Variants in SAMD5 observed in about 807,000 individuals in gnomAD.
The protein encoded by SAMD5 is sterile alpha motif domain containing 5.
In SAMD5, 13 loss-of-function variants were observed where a neutral mutation model predicts 11.3. The observed-to-expected ratio is 1.15, with a 90% CI of 0.75 to 1.83. The LOEUF is 1.83. SAMD5 is among the 40% of genes most tolerant of loss of function. SAMD5 has a pLI of 0.00. For missense variants in SAMD5, 255 were observed against 239.1 expected, an observed-to-expected ratio of 1.07 and a Z score of -0.44; for synonymous variants, 129 against 111.3, an observed-to-expected ratio of 1.16 and a Z score of -1.00.
At chr6:147,721,486 A>G (rs1791550923) in intron 1 of SAMD5, among the ~76,000 whole-genome samples, 1 of 152,194 alleles carries the variant, frequency 6.6e-6, no homozygotes, top group Non-Finnish European at 1.5e-5. Flanking sequence ...TTTTGACTGC[A>G]TAAATGTGTT....
intron 1 of SAMD5, among the ~76,000 whole-genome samples, chr6:147,669,077 A>C (rs769602045): frequency 3.3e-5 from 5 of 152,172 alleles, no homozygotes; most frequent in Non-Finnish European, 5.9e-5. Flanking sequence ...GTGGCAATTT[A>C]TTAAAATAAG....
intron 1 of SAMD5, 22 bp from the exon 2 acceptor site, chr6:147,564,372 C>A (rs543625839): frequency 1.3e-6 from 1 of 780,026 alleles, no homozygotes. Context: ...CTTCAATAAC[C>A]CAGATATGTT....
Position 147,731,652 on chromosome 6 carries a change from C to CAAAAAA in SAMD5, c.163-5651_163-5646dup, listed in dbSNP as rs4052655. On this transcript the variant is annotated intron_variant, in intron 1 of 1. Transcript: ENST00000566741. ...CCCTCTCTTTTCTCTCTGGCCACTA[C>CAAAAAA]AAAAAAAAAAAAAAAAAAATCCTGA... 6.7e-5 allele frequency among the ~76,000 whole-genome samples: 6 copies of CAAAAAA among 90,072 alleles called. 1 individual carries two copies. The highest frequency in any genetic ancestry group is 1.3e-4 in the African/African-American group (3 of 22,452). 59.1% of individuals were successfully genotyped at this position (90,072 alleles called of 152,430 possible).
At chr6:147,680,444 A>G (rs1790925401) in intron 1 of SAMD5, among the ~76,000 whole-genome samples, 1 of 152,104 alleles carries the variant, frequency 6.6e-6, no homozygotes, top group Non-Finnish European at 1.5e-5. Flanking sequence ...TTACACACCC[A>G]TGGACAGGTG....
chr6:147,623,027 AC>A (rs1221652619), intron 1 of SAMD5, among the ~76,000 whole-genome samples: 1 of 152,194 alleles, frequency 6.6e-6, no homozygotes, highest in Admixed American at 6.5e-5. Flanking sequence ...GGTCCCTCCC[AC>A]AACACATGGG....
At chr6:147,758,203 A>T in the SAMD5 span, among the ~76,000 whole-genome samples, 1 of 152,234 alleles carries the variant, frequency 6.6e-6, no homozygotes, top group African/African-American at 2.4e-5. Flanking sequence ...AGTGGCAGCT[A>T]TCTTAAATTA....
At chr6:147,826,729 C>A in the SAMD5 span, among the ~76,000 whole-genome samples, 1 of 152,142 alleles carries the variant, frequency 6.6e-6, no homozygotes, top group African/African-American at 2.4e-5. Flanking sequence ...TAACTAAGGC[C>A]ATGTGGGATG....
At chr6:147,758,957 C>T in the SAMD5 span, among the ~76,000 whole-genome samples, 17 of 152,214 alleles carry the variant, frequency 1.1e-4, no homozygotes, top group South Asian at 4.1e-4. Context: ...TAGTTTCACT[C>T]GAGCTGAGTC....
chr6:147,939,593 G>A, the SAMD5 span, among the ~76,000 whole-genome samples: 1 of 152,202 alleles, frequency 6.6e-6, no homozygotes, highest in Non-Finnish European at 1.5e-5. Context: ...CCGTGGAGAT[G>A]CCTAACAGTG....
chr6:147,715,082 A>C (rs994073743), intron 1 of SAMD5, among the ~76,000 whole-genome samples: 5 of 152,236 alleles, frequency 3.3e-5, no homozygotes, highest in Non-Finnish European at 7.3e-5. Flanking sequence ...TCTTTCCTGC[A>C]GTGGTGTCAC....
At chr6:147,913,570 C>A in the SAMD5 span, among the ~76,000 whole-genome samples, 18 of 152,212 alleles carry the variant, frequency 1.2e-4, no homozygotes, top group African/African-American at 3.9e-4. Flanking sequence ...GTGGCACATG[C>A]CTGTTATCCC....
At chr6:147,538,377 C>T (rs2103690) in intron 1 of SAMD5, among the ~76,000 whole-genome samples, 82,919 of 152,030 alleles carry the variant, frequency 0.55, 22,934 homozygotes, top group East Asian at 0.62. Context: ...TATATTCCCT[C>T]TAACAAAAGC....
chr6:147,697,385 A>G (rs1791191440), intron 1 of SAMD5, among the ~76,000 whole-genome samples: 1 of 152,208 alleles, frequency 6.6e-6, no homozygotes, highest in Admixed American at 6.5e-5. Flanking sequence ...ACTTTCGTTT[A>G]TTTAATCATT....
the SAMD5 span, among the ~76,000 whole-genome samples, chr6:147,867,082 A>G: frequency 6.6e-6 from 1 of 152,140 alleles, no homozygotes; most frequent in Non-Finnish European, 1.5e-5. Context: ...TAATCTCTCT[A>G]TCCAGATAAG....
At chr6:147,875,360 C>A in the SAMD5 span, among the ~76,000 whole-genome samples, 1 of 152,144 alleles carries the variant, frequency 6.6e-6, no homozygotes, top group African/African-American at 2.4e-5. Context: ...AAGTAGTGGT[C>A]CCCTCTTAAC....
intron 1 of SAMD5, among the ~76,000 whole-genome samples, chr6:147,591,343 G>A (rs544290149): frequency 6.6e-6 from 1 of 152,170 alleles, no homozygotes; most frequent in Non-Finnish European, 1.5e-5. Flanking sequence ...CTACCTGATT[G>A]TCCTTGTATC....
intron 1 of SAMD5, among the ~76,000 whole-genome samples, chr6:147,591,423 C>T (rs1364758153): frequency 1.3e-5 from 2 of 152,122 alleles, no homozygotes; most frequent in African/African-American, 4.8e-5. Context: ...TAAAGAGGGT[C>T]ACCGCACTCG....
In SAMD5 at chr6:147,536,218, C is replaced by T. The variant is rs146873915; in HGVS notation, c.459+26831C>T. On this transcript the variant is annotated intron_variant, in intron 1 of 1. Coordinates refer to ENST00000367474, the MANE Select transcript of SAMD5 (RefSeq NM_001030060.3). ...TAGGATGGTCTCAATCTCCTGACCT[C>T]GTGATCTGCCCTCCACAGCCTTCCA... Among the ~76,000 whole-genome samples the T allele has an allele frequency of 5.6e-4, 86 of 152,228 alleles. No homozygotes were observed. In the East Asian group the frequency reaches 0.013, roughly 23 times the overall value.
chr6:147,635,392 A>T lies in SAMD5; in HGVS notation c.163-101925A>T, dbSNP rs146198918. Among the ~76,000 whole-genome samples the T allele has an allele frequency of 6.8e-4, 103 of 152,330 alleles. 1 individual carries two copies. Among genetic ancestry groups the T allele is most frequent in the African/African-American group, 2.3e-3 (94 of 41,578 alleles). ...ACAATCCTATGAGGCAGGACCTATT[A>T]ATATCACCAGTTTTACATATGAGAA... On this transcript the variant is annotated intron_variant, in intron 1 of 1. Coordinates refer to the SAMD5 transcript ENST00000566741.
Sources: gnomAD v4.1 joint callset for allele counts (sites outside exome capture counted in the v4.1 genomes callset) on GRCh38, gnomAD v4.1.1 for gene constraint, MANE v1.5 for transcripts, NCBI Gene and HGNC (gene_info 2026-07-23, HGNC 2026-07-21) for gene names.